GRIN3A: variants seen among roughly 807,000 people sequenced by gnomAD.
GRIN3A encodes the protein glutamate ionotropic receptor NMDA type subunit 3A.
GRIN3A carries 47 observed loss-of-function variants against 92.4 expected under a neutral mutation model. The ratio of observed to expected loss-of-function variants is 0.51; its 90% CI spans 0.40 to 0.65. The LOEUF (loss-of-function observed/expected upper bound fraction) is 0.65, where lower values mean the gene tolerates loss of function less well. Among genes scored for constraint, GRIN3A ranks in the 30% least tolerant of loss-of-function variants. GRIN3A has a pLI of 0.00. For missense variants in GRIN3A, 1,324 were observed against 1,393.1 expected (o/e 0.95, Z 0.79); for synonymous variants, 527 against 540.6 (o/e 0.97, Z 0.35).
chr9:101,600,862 G>A (rs1828202038), intron 6 of GRIN3A: 1 of 152,138 alleles, frequency 6.6e-6, no homozygotes, highest in Non-Finnish European at 1.5e-5. Context: ...TTCTTTATAG[G>A]GCATCATTTA....
At chr9:101,724,861 C>T (rs1830066065) in intron 1 of GRIN3A, among the ~76,000 whole-genome samples, 1 of 152,198 alleles carries the variant, frequency 6.6e-6, no homozygotes, top group African/African-American at 2.4e-5. Flanking sequence ...TTGGGTATGT[C>T]TTCATCAGCA....
intron 5 of GRIN3A, among the ~76,000 whole-genome samples, chr9:101,620,107 T>C (rs537021908): frequency 1.3e-5 from 2 of 152,324 alleles, no homozygotes; most frequent in Admixed American, 6.5e-5. Flanking sequence ...TTAATAGTTA[T>C]CTTAGTCTGC....
intron 6 of GRIN3A, among the ~76,000 whole-genome samples, chr9:101,586,347 C>T (rs7041116): frequency 0.03 from 4,550 of 152,196 alleles, 193 homozygotes; most frequent in African/African-American, 0.1. Flanking sequence ...GTGCCCAGCA[C>T]GGTGAATATT....
chr9:101,735,265 T>C (rs533713281), intron 1 of GRIN3A, among the ~76,000 whole-genome samples: 1 of 152,068 alleles, frequency 6.6e-6, no homozygotes, highest in Admixed American at 6.5e-5. Flanking sequence ...AATCTCTCCC[T>C]TTCAAGATGT....
intron 3 of GRIN3A, among the ~76,000 whole-genome samples, chr9:101,662,104 G>A (rs1398598786): frequency 6.6e-6 from 1 of 151,686 alleles, no homozygotes; most frequent in African/African-American, 2.4e-5. Context: ...TAACATACAA[G>A]GTAGCAAAAA....
chr9:101,636,663 T>C (rs1828788942), intron 3 of GRIN3A, among the ~76,000 whole-genome samples: 1 of 152,184 alleles, frequency 6.6e-6, no homozygotes, highest in South Asian at 2.1e-4. Flanking sequence ...TTTTTCTTCT[T>C]AGAGAAGCTG....
chr9:101,631,892 T>C (rs557470606), intron 3 of GRIN3A, among the ~76,000 whole-genome samples: 21 of 152,326 alleles, frequency 1.4e-4, no homozygotes, highest in African/African-American at 4.6e-4. Flanking sequence ...CCTTTCTTCC[T>C]TTCTGATCCA....
At chr9:101,724,868 A>G (rs961431973) in intron 1 of GRIN3A, among the ~76,000 whole-genome samples, 27 of 152,234 alleles carry the variant, frequency 1.8e-4, no homozygotes, top group Non-Finnish European at 3.2e-4. Flanking sequence ...TGTCTTCATC[A>G]GCATGTGAAA....
At chr9:101,624,094 A>G (rs921901717) in intron 4 of GRIN3A, among the ~76,000 whole-genome samples, 3 of 152,210 alleles carry the variant, frequency 2.0e-5, no homozygotes, top group Non-Finnish European at 4.4e-5. Flanking sequence ...AGGATTTTCT[A>G]TGAGGAACAG....
intron 2 of GRIN3A, among the ~76,000 whole-genome samples, chr9:101,685,757 T>C (rs1829525868): frequency 6.6e-6 from 1 of 151,152 alleles, no homozygotes. Context: ...TATATATATA[T>C]AATACTCTTA....
intron 1 of GRIN3A, among the ~76,000 whole-genome samples, chr9:101,711,299 A>C (rs1232390980): frequency 6.6e-6 from 1 of 152,220 alleles, no homozygotes; most frequent in Non-Finnish European, 1.5e-5. Flanking sequence ...CGGGTAGTGC[A>C]TACAGCCCGG....
chr9:101,625,433 G>A (rs2118874010), intron 4 of GRIN3A, among the ~76,000 whole-genome samples: 1 of 152,206 alleles, frequency 6.6e-6, no homozygotes, highest in South Asian at 2.1e-4. Context: ...ATTCATCAGG[G>A]CAGGAAACAC....
intron 1 of GRIN3A, among the ~76,000 whole-genome samples, chr9:101,691,028 A>T (rs1829609793): frequency 6.6e-6 from 1 of 152,152 alleles, no homozygotes; most frequent in Non-Finnish European, 1.5e-5. Flanking sequence ...AAAACATTGA[A>T]TTATCACAGC....
At chr9:101,603,532 C>T (rs1422543490) in intron 6 of GRIN3A, among the ~76,000 whole-genome samples, 1 of 152,102 alleles carries the variant, frequency 6.6e-6, no homozygotes, top group East Asian at 1.9e-4. Context: ...TATGTTGCTC[C>T]CAGAGCTGAA....
chr9:101,668,010 C>G (rs1487507067), intron 3 of GRIN3A, among the ~76,000 whole-genome samples: 2 of 151,944 alleles, frequency 1.3e-5, no homozygotes, highest in Non-Finnish European at 2.9e-5. Flanking sequence ...TAGGTTTGTC[C>G]CATTTCATTA....
Position 101,623,326 on chromosome 9 carries a change from G to T in GRIN3A, c.2606C>A (p.Ala869Asp), listed in dbSNP as rs369422513. 124 of 1,604,468 alleles carry T rather than the reference G, an allele frequency of 7.7e-5. No individual in the cohort carries two copies. The highest frequency in any genetic ancestry group is 9.9e-5 in the Non-Finnish European group (116 of 1,171,342). ...CKLLTVGKPF[A>D]IEGYGIGLPP... ...GAGTGACTGATTAATACCTTCTATGGCAAATGGCTTCCCCACAGTGAGAAG... is the reference window on the plus strand; with the variant it reads ...GAGTGACTGATTAATACCTTCTATGTCAAATGGCTTCCCCACAGTGAGAAG... The change falls in exon 5 of 9, where the codon GCC becomes GAC. Residue 869 changes from alanine (A) to aspartate (D), a missense_variant. Coordinates refer to ENST00000361820, the MANE Select transcript of GRIN3A (RefSeq NM_133445.3).
At chr9:101,731,793 T>C (rs541898417) in intron 1 of GRIN3A, among the ~76,000 whole-genome samples, 1 of 152,106 alleles carries the variant, frequency 6.6e-6, no homozygotes, top group African/African-American at 2.4e-5. Context: ...ATGGAGAGAG[T>C]TGGCTTACTC....
chr9:101,623,525 A>G lies in GRIN3A; in HGVS notation c.2499-92T>C, dbSNP rs1588254082. The G allele has an allele frequency of 3.3e-6, 3 of 897,418 alleles. No individual in the cohort carries two copies. In the East Asian group the frequency reaches 7.3e-5, roughly 22 times the overall value. 55.6% of individuals were successfully genotyped at this position (897,418 alleles called of 1,614,324 possible). On this transcript the variant is annotated intron_variant, in intron 4 of 8. Coordinates refer to ENST00000361820, the MANE Select transcript of GRIN3A (RefSeq NM_133445.3). ...CAGCCGGCTTTTGTTTAGGGGACAG[A>G]ACCCGAACACTAAGGGCCGCACAAG...
At chr9:101,608,954 G>A (rs1183949637) in intron 6 of GRIN3A, among the ~76,000 whole-genome samples, 1 of 152,200 alleles carries the variant, frequency 6.6e-6, no homozygotes, top group Non-Finnish European at 1.5e-5. Context: ...CTAGTGGTAG[G>A]TGGGATGAGA....
Sources: gnomAD v4.1 joint callset for allele counts (sites outside exome capture counted in the v4.1 genomes callset) on GRCh38, gnomAD v4.1.1 for gene constraint, MANE v1.5 for transcripts, NCBI Gene and HGNC (gene_info 2026-07-23, HGNC 2026-07-21) for gene names.